Variants in WDR11 observed in about 807,000 individuals in gnomAD.
WDR11 encodes the protein WD repeat domain 11.
WDR11 carries 83 observed loss-of-function variants against 151.2 expected under a neutral mutation model. The ratio of observed to expected loss-of-function variants is 0.55; its 90% CI spans 0.46 to 0.66. The LOEUF (loss-of-function observed/expected upper bound fraction) is 0.66. Ranked by LOEUF, WDR11 falls within the 30% of genes least tolerant of loss-of-function variation. WDR11 has a pLI of 0.00. For missense variants in WDR11, 1,301 were observed against 1,480.9 expected, an observed-to-expected ratio of 0.88 and a Z score of 1.99; for synonymous variants, 484 against 533.1, an observed-to-expected ratio of 0.91 and a Z score of 1.27.
At position 120,908,850 on chromosome 10, in the gene WDR11, G is replaced by GAC; in HGVS notation, c.*137_*138insAC. ...TGTTTGACCACTGTTCTAAGACTATGTGTGCCCAAAAGCACATAAGCATCT... is the reference window on the plus strand; with the variant it reads ...TGTTTGACCACTGTTCTAAGACTATGACTGTGCCCAAAAGCACATAAGCATCT... On this transcript the variant is annotated 3_prime_UTR_variant, in exon 29 of 29. Transcript: ENST00000263461. 2 of 873,376 alleles carry GAC rather than the reference G, an allele frequency of 2.3e-6. No individual in the cohort carries two copies. The highest frequency in any genetic ancestry group is 3.7e-6 in the Non-Finnish European group (2 of 544,846). The allele number at this position is 873,376 out of a possible 1,614,324, so 54.1% of individuals were successfully genotyped here. A position where few individuals can be genotyped will look rare whatever the true frequency, so the allele number is the denominator to read the frequency against.
In WDR11 at chr10:120,862,669, A is replaced by G. The variant is rs1200259807; in HGVS notation, c.527-66A>G. On this transcript the variant is annotated intron_variant, in intron 4 of 28. Transcript: ENST00000263461. ...ATCACTATATTGCTCTCAAAATTGTATTGGAATAAAACTGTATGCTAAACT... is the reference window on the plus strand; with the variant it reads ...ATCACTATATTGCTCTCAAAATTGTGTTGGAATAAAACTGTATGCTAAACT... 1.0e-5 allele frequency: 15 copies of G among 1,506,850 alleles called. No individual in the cohort carries two copies. In the East Asian group the frequency reaches 2.0e-4, roughly 20 times the overall value. The allele number at this position is 1,506,850 out of a possible 1,614,324, so 93.3% of individuals were successfully genotyped here. A position where few individuals can be genotyped will look rare whatever the true frequency, so the allele number is the denominator to read the frequency against.
chr10:120,908,995 T>TTTTAA lies in WDR11; in HGVS notation c.*286_*290dup, dbSNP rs1464152588. 2 of 387,080 alleles carry TTTTAA rather than the reference T, an allele frequency of 5.2e-6. No individual in the cohort carries two copies. The highest frequency in any genetic ancestry group is 3.4e-5 in the South Asian group (1 of 29,522). The allele number at this position is 387,080 out of a possible 1,614,324, so 24.0% of individuals were successfully genotyped here. On this transcript the variant is annotated 3_prime_UTR_variant, in exon 29 of 29. Transcript: ENST00000263461. ...AGCTTTAAGAGTCCCTGGAAATACTTTTTAATTTTTTTAACTTAAAATTCA... is the reference window on the plus strand; with the variant it reads ...AGCTTTAAGAGTCCCTGGAAATACTTTTTAATTTAATTTTTTTAACTTAAAATTCA...
intron 27 of WDR11, 96 bp from the exon 28 acceptor site, chr10:120,906,680 A>G: frequency 1.2e-6 from 2 of 1,606,854 alleles, no homozygotes; most frequent in East Asian, 2.2e-5. Context: ...GCAGGTTTCC[A>G]GGGAAAATGT....
intron 2 of WDR11, among the ~76,000 whole-genome samples, chr10:120,855,289 G>T (rs1845909185): frequency 6.6e-6 from 1 of 152,108 alleles, no homozygotes; most frequent in African/African-American, 2.4e-5. Context: ...CTGGACAAAG[G>T]GATGATTTAT....
chr10:120,874,521 A>G (rs1407647447), intron 11 of WDR11, among the ~76,000 whole-genome samples: 1 of 151,108 alleles, frequency 6.6e-6, no homozygotes, highest in Non-Finnish European at 1.5e-5. Context: ...TTTAAGCTCC[A>G]CATGCATTAG....
rs1384407290 is a variant in WDR11, at chr10:120,869,200, TC to T, written c.1295-1967del. ...ATCTCGGCTCACTGCAAGCTCCGCC[TC>T]CCGGGTTCACGCCATTCTCCTGCCT... is the stretch of plus-strand genomic sequence containing the variant. On this transcript the variant is annotated intron_variant, in intron 9 of 28. Transcript: ENST00000263461. Among the ~76,000 whole-genome samples, 22 of 138,318 alleles carry T rather than the reference TC, an allele frequency of 1.6e-4. No homozygotes were observed. In the East Asian group the frequency reaches 4.9e-3, roughly 31 times the overall value. 90.7% of individuals were successfully genotyped at this position (138,318 alleles called of 152,430 possible).
chr10:120,874,396 T>C (rs998738898), intron 11 of WDR11, among the ~76,000 whole-genome samples: 1 of 152,070 alleles, frequency 6.6e-6, no homozygotes, highest in African/African-American at 2.4e-5. Context: ...TTTTTATTAT[T>C]TTAAAATTTT....
Position 120,865,149 on chromosome 10 carries a change from C to T in WDR11, c.816C>T (p.Asp272=). ...LLYPREILIL[D]LEVNQTVGVI... is the part of the protein sequence containing the mutation. ...ATCCTCGAGAGATTTTAATCCTTGA[C>T]CTTGAGGTGAATCAGACGGTGGGTG... The change falls in exon 6 of 29, where the codon GAC becomes GAT. Residue 272 remains aspartate, a synonymous_variant. Transcript: ENST00000263461. 1.2e-6 allele frequency: 2 copies of T among 1,613,840 alleles called. No individual in the cohort carries two copies. Among genetic ancestry groups the T allele is most frequent in the Admixed American group, 1.7e-5 (1 of 60,002 alleles).
intron 20 of WDR11, 38 bp from the exon 21 acceptor site, chr10:120,900,998 A>T (rs561377197): frequency 2.9e-6 from 4 of 1,383,282 alleles, no homozygotes; most frequent in African/African-American, 1.4e-5. Flanking sequence ...GTTTTAAGTG[A>T]AGAGATAATG....
intron 11 of WDR11, among the ~76,000 whole-genome samples, chr10:120,874,186 TTTTTTTGTTGTTGTTGTTGTTGTTTG>T (rs1175822634): frequency 1.3e-4 from 13 of 96,952 alleles, no homozygotes; most frequent in South Asian, 1.1e-3. Context: ...GTTTTTTTTT[TTTTTTTGTTGTTGTTGTTGTTGTTTG>T]TTTTGTTTTG....
chr10:120,889,050 A>G (rs763018469), intron 16 of WDR11, 28 bp from the exon 17 acceptor site: 7 of 1,478,526 alleles, frequency 4.7e-6, no homozygotes, highest in Non-Finnish European at 6.6e-6. Context: ...AGTGAAATTT[A>G]TATTTGTTTG....
intron 9 of WDR11, among the ~76,000 whole-genome samples, chr10:120,869,356 G>T (rs184704031): frequency 6.6e-6 from 1 of 151,614 alleles, no homozygotes; most frequent in African/African-American, 2.4e-5. Context: ...CTCGTGATCC[G>T]CCCGCCTCGG....
In WDR11 at chr10:120,852,574, T is replaced by C. The variant is rs1845817950; in HGVS notation, c.137T>C (p.Ile46Thr). The C allele has an allele frequency of 6.2e-7, 1 of 1,614,072 alleles. No homozygotes were observed. Among genetic ancestry groups the C allele is most frequent in the Non-Finnish European group, 8.5e-7 (1 of 1,179,974 alleles). The change falls in exon 2 of 29, where the codon ATT (isoleucine) becomes ACT (threonine). Residue 46 changes from isoleucine to threonine, a missense_variant. Ile to Thr is a moderately conservative substitution (Grantham distance 89). Coordinates refer to ENST00000263461, the MANE Select transcript of WDR11 (RefSeq NM_018117.12). ...AYGCHSLVVV[I>T]DSITAQTLQV... ...GGATGTCATTCACTTGTGGTAGTGA[T>C]TGATTCCATTACTGCCCAAACTCTT...
At chr10:120,866,023 T>TA (rs1846299749) in intron 7 of WDR11, among the ~76,000 whole-genome samples, 1 of 152,128 alleles carries the variant, frequency 6.6e-6, no homozygotes, top group Non-Finnish European at 1.5e-5. Flanking sequence ...ATTTTTTTTT[T>TA]TTTTCAGTAC....
intron 1 of WDR11, 60 bp downstream of exon 1, chr10:120,851,566 G>T: frequency 1.3e-6 from 2 of 1,567,138 alleles, no homozygotes; most frequent in Non-Finnish European, 8.7e-7. Flanking sequence ...GGGGGAAGGG[G>T]GAAGGACAAG....
intron 19 of WDR11, among the ~76,000 whole-genome samples, chr10:120,895,303 A>AC (rs1468600717): frequency 2.8e-4 from 43 of 152,304 alleles, no homozygotes; most frequent in African/African-American, 9.4e-4. Flanking sequence ...ATGCTATCTA[A>AC]AATATGAATG....
rs191248423 is a variant in WDR11 at position 120,897,149 on chromosome 10, G to A, written c.2516-2880G>A. ...CACGAAAACTAATGGTGGTATTGAT[G>A]TAAGTGCAGAATACCAAAGAAACCC... is the stretch of plus-strand genomic sequence containing the variant. On this transcript the variant is annotated intron_variant, in intron 19 of 28. Coordinates refer to ENST00000263461, the MANE Select transcript of WDR11 (RefSeq NM_018117.12). 5.0e-4 allele frequency among the ~76,000 whole-genome samples: 76 copies of A among 152,288 alleles called. 1 individual carries two copies. The highest frequency in any genetic ancestry group is 8.8e-5 in the Non-Finnish European group (6 of 68,030).
intron 9 of WDR11, 129 bp from the exon 10 acceptor site, chr10:120,871,041 C>T: frequency 3.3e-6 from 3 of 919,370 alleles, no homozygotes; most frequent in South Asian, 1.6e-5. Context: ...TAACTACAGC[C>T]ACTAAAGTAC....
At position 120,904,065 on chromosome 10, in the gene WDR11, G is replaced by A. The variant is rs748189463; in HGVS notation, c.2950G>A (p.Val984Ile). The A allele has an allele frequency of 1.2e-6, 2 of 1,612,216 alleles. No homozygotes were observed. Among genetic ancestry groups the A allele is most frequent in the East Asian group, 2.2e-5 (1 of 44,790 alleles). ...AYFQKFQLER[V>I]NLQEVKRSTY... Reference sequence around the variant, plus strand: ...ATTCTAGAAATTTCAGCTAGAAAGGGTTAATCTGCAGGAAGTGAAACGGTC... The same window carrying A: ...ATTCTAGAAATTTCAGCTAGAAAGGATTAATCTGCAGGAAGTGAAACGGTC... The change falls in exon 24 of 29, where the codon GTT becomes ATT. Residue 984 changes from valine (V) to isoleucine (I), a missense_variant. By Grantham distance (29) the Val-to-Ile change is conservative. Transcript: ENST00000263461.
Sources: gnomAD v4.1 joint callset for allele counts (sites outside exome capture counted in the v4.1 genomes callset) on GRCh38, gnomAD v4.1.1 for gene constraint, MANE v1.5 for transcripts, NCBI Gene and HGNC (gene_info 2026-07-23, HGNC 2026-07-21) for gene names.